Variants in PRKN observed in about 807,000 individuals in gnomAD.
PRKN encodes E3 ubiquitin-protein ligase parkin.
A neutral mutation model predicts 59.5 loss-of-function variants in PRKN; 56 were observed. The observed-to-expected ratio is 0.94, with a 90% confidence interval of 0.76 to 1.18. The LOEUF (loss-of-function observed/expected upper bound fraction) is 1.18. PRKN is among the 50% of genes most tolerant of loss of function. The pLI is 0.00. For missense variants in PRKN, 657 were observed against 596.4 expected, an observed-to-expected ratio of 1.10 and a Z score of -1.06; for synonymous variants, 250 against 222.1, an observed-to-expected ratio of 1.13 and a Z score of -1.12.
At chr6:162,702,309 G>A (rs561765474) in intron 1 of PRKN, among the ~76,000 whole-genome samples, 1 of 152,132 alleles carries the variant, frequency 6.6e-6, no homozygotes, top group South Asian at 2.1e-4. Context: ...AAGTAGTTAA[G>A]CAATGTAATT....
chr6:161,668,491 C>A (rs1784799436), intron 7 of PRKN, among the ~76,000 whole-genome samples: 1 of 152,148 alleles, frequency 6.6e-6, no homozygotes, highest in Admixed American at 6.6e-5. Context: ...AGTTATGTAA[C>A]ATTTTCACAT....
chr6:161,829,580 T>C (rs1438561880), intron 6 of PRKN, among the ~76,000 whole-genome samples: 1 of 152,104 alleles, frequency 6.6e-6, no homozygotes, highest in Middle Eastern at 3.2e-3. Flanking sequence ...GCTGGTGGTC[T>C]TGCCCCCTGC....
At chr6:161,710,664 T>C (rs1407151429) in intron 7 of PRKN, among the ~76,000 whole-genome samples, 1 of 152,172 alleles carries the variant, frequency 6.6e-6, no homozygotes, top group East Asian at 1.9e-4. Flanking sequence ...TTCTAGGCCA[T>C]CTGCCAACAA....
Position 162,284,215 on chromosome 6 carries a change from C to CTTTT in PRKN, c.172-21454_172-21451dup, listed in dbSNP as rs35609309. ...TATTTATGTATTGTGTTATTTCTTT[C>CTTTT]TTTTTTTTTTTTTTTTTTTTTTTTT... On this transcript the variant is annotated intron_variant, in intron 2 of 11. Transcript: ENST00000366898. 5.6e-3 allele frequency among the ~76,000 whole-genome samples: 422 copies of CTTTT among 75,652 alleles called. 23 individuals are homozygous for CTTTT. The highest frequency in any genetic ancestry group is 0.012 in the Admixed American group (62 of 5,162). 49.6% of individuals were successfully genotyped at this position (75,652 alleles called of 152,430 possible).
intron 6 of PRKN, among the ~76,000 whole-genome samples, chr6:161,874,233 AAT>A (rs1491581157): frequency 5.5e-5 from 1 of 18,122 alleles, no homozygotes; most frequent in Non-Finnish European, 9.1e-5. Context: ...TATTATATAT[AAT>A]ATATAATATA....
chr6:162,071,383 C>T (rs76639646), intron 4 of PRKN, among the ~76,000 whole-genome samples: 1,721 of 151,826 alleles, frequency 0.011, 31 homozygotes, highest in African/African-American at 0.04. Context: ...GTAATATATG[C>T]TTTATTAAAG....
intron 1 of PRKN, among the ~76,000 whole-genome samples, chr6:162,536,115 G>A (rs1256450937): frequency 6.6e-6 from 1 of 151,992 alleles, no homozygotes; most frequent in East Asian, 1.9e-4. Flanking sequence ...ACAACTTAAG[G>A]CCAAACCAAA....
In PRKN at chr6:161,429,395, C is replaced by T. The variant is rs994688807; in HGVS notation, c.1084-42518G>A. 6.6e-6 allele frequency among the ~76,000 whole-genome samples: 1 copy of T among 152,076 alleles called. No homozygotes were observed. The highest frequency in any genetic ancestry group is 1.5e-5 in the Non-Finnish European group (1 of 68,024). ...CACAGCAGTGCCCTAAGTGCTATTGCTCTATGTGTGGGAAAACAGGCAACC... is the reference window on the plus strand; with the variant it reads ...CACAGCAGTGCCCTAAGTGCTATTGTTCTATGTGTGGGAAAACAGGCAACC... On this transcript the variant is annotated intron_variant, in intron 9 of 11. Coordinates refer to ENST00000366898, the MANE Select transcript of PRKN (RefSeq NM_004562.3). The surrounding 1 kb of genome is among the most constrained non-coding windows in gnomAD (Gnocchi z 4.2).
At chr6:161,921,585 G>A (rs1229002726) in intron 6 of PRKN, among the ~76,000 whole-genome samples, 1 of 152,182 alleles carries the variant, frequency 6.6e-6, no homozygotes. Context: ...AACAGCTACA[G>A]TGTCACTAGG....
At chr6:162,553,466 G>A (rs1289781218) in intron 1 of PRKN, among the ~76,000 whole-genome samples, 4 of 150,448 alleles carry the variant, frequency 2.7e-5, no homozygotes, top group African/African-American at 4.9e-5. Context: ...TCAGGAAACC[G>A]GGTACTGACA....
chr6:162,309,039 T>C (rs1782355833), intron 2 of PRKN, among the ~76,000 whole-genome samples: 1 of 152,150 alleles, frequency 6.6e-6, no homozygotes, highest in Non-Finnish European at 1.5e-5. Context: ...CACTACATTA[T>C]GTGTCTCAGA....
intron 6 of PRKN, among the ~76,000 whole-genome samples, chr6:161,877,319 T>C (rs6909000): frequency 0.65 from 98,616 of 152,014 alleles, 32,750 homozygotes; most frequent in Middle Eastern, 0.72. Context: ...CTCATGTTCC[T>C]GACCATCCCA....
intron 9 of PRKN, among the ~76,000 whole-genome samples, chr6:161,520,822 T>C (rs1778792872): frequency 6.6e-6 from 1 of 152,194 alleles, no homozygotes; most frequent in Admixed American, 6.5e-5. Flanking sequence ...CAAAATGTAG[T>C]GAAGACATTT....
chr6:162,521,902 C>T (rs753242799), intron 1 of PRKN, among the ~76,000 whole-genome samples: 13 of 152,082 alleles, frequency 8.5e-5, no homozygotes, highest in Non-Finnish European at 1.2e-4. Context: ...TTTAATTTAA[C>T]ATCTTTATTT....
At chr6:162,698,880 T>C (rs1354881642) in intron 1 of PRKN, among the ~76,000 whole-genome samples, 4 of 152,214 alleles carry the variant, frequency 2.6e-5, no homozygotes, top group Non-Finnish European at 5.9e-5. Context: ...ATCTAGACTA[T>C]TAATAAATGG....
intron 5 of PRKN, among the ~76,000 whole-genome samples, chr6:162,033,846 C>T (rs1464274139): frequency 6.6e-6 from 1 of 152,006 alleles, no homozygotes; most frequent in East Asian, 1.9e-4. Context: ...TTATTAATCT[C>T]CAGAATTTAG....
chr6:161,787,116 C>A (rs1311549230), intron 6 of PRKN, among the ~76,000 whole-genome samples: 1 of 152,078 alleles, frequency 6.6e-6, no homozygotes, highest in Non-Finnish European at 1.5e-5. Context: ...ATTTTATACC[C>A]AATCTTTAAC....
rs34367069 is a variant in PRKN, at chr6:161,368,382, G to GATATATATATATATATATATATAT, written c.1168-8201_1168-8178dup. ...GTATATATATAGCAACCTCAGTCTT[G>GATATATATATATATATATATATAT]ATATATATATATATATATATATATA... On this transcript the variant is annotated intron_variant, in intron 10 of 11. Coordinates refer to ENST00000366898, the MANE Select transcript of PRKN (RefSeq NM_004562.3). 3.1e-3 allele frequency among the ~76,000 whole-genome samples: 312 copies of GATATATATATATATATATATATAT among 99,190 alleles called. 10 individuals are homozygous for GATATATATATATATATATATATAT. The highest frequency in any genetic ancestry group is 5.2e-3 in the Middle Eastern group (1 of 194). 65.1% of individuals were successfully genotyped at this position (99,190 alleles called of 152,430 possible).
intron 2 of PRKN, among the ~76,000 whole-genome samples, chr6:162,306,308 G>GGAGA (rs1053627630): frequency 2.6e-5 from 4 of 152,140 alleles, no homozygotes; most frequent in African/African-American, 9.7e-5. Flanking sequence ...CTGCAGGGCT[G>GGAGA]GAGAGAGTAC....
Sources: gnomAD v4.1 joint callset for allele counts (sites outside exome capture counted in the v4.1 genomes callset) on GRCh38, gnomAD v4.1.1 for gene constraint, Gnocchi (gnomAD v3.1) non-coding constraint, MANE v1.5 for transcripts, NCBI Gene and HGNC (gene_info 2026-07-23, HGNC 2026-07-21) for gene names.